LIPJ: variants seen among roughly 807,000 people sequenced by gnomAD.
LIPJ encodes the protein lipase member J.
LIPJ carries 33 observed loss-of-function variants against 39.8 expected under a neutral mutation model. That is an observed-to-expected ratio of 0.83 (90% CI 0.63 to 1.11). The LOEUF is 1.11. Among genes scored for constraint, LIPJ ranks in the 50% least tolerant of loss-of-function variants. The pLI is 0.00. For synonymous variants in LIPJ, 128 were observed against 139.2 expected, an observed-to-expected ratio of 0.92 and a Z score of 0.57; for missense variants, 422 against 427.9, an observed-to-expected ratio of 0.99 and a Z score of 0.12.
exon 5 of LIPJ, chr10:88,594,028 G>C: frequency 6.2e-7 from 1 of 1,612,326 alleles, no homozygotes; most frequent in Non-Finnish European, 8.5e-7. Flanking sequence ...ACAATAGTCT[G>C]GGCTTCATTC....
chr10:88,620,773 T>C, the LIPJ span, among the ~76,000 whole-genome samples: 2 of 152,204 alleles, frequency 1.3e-5, no homozygotes, highest in Admixed American at 6.5e-5. Flanking sequence ...TTATCCTATA[T>C]CTTAGTCGGC....
the LIPJ span, among the ~76,000 whole-genome samples, chr10:88,617,763 GAT>G: frequency 6.6e-6 from 1 of 152,184 alleles, no homozygotes; most frequent in South Asian, 2.1e-4. Flanking sequence ...CTCCTCTAAA[GAT>G]AGTGTCAGAA....
the LIPJ span, among the ~76,000 whole-genome samples, chr10:88,613,794 A>G: frequency 2.3e-3 from 115 of 49,570 alleles, 1 homozygote; most frequent in East Asian, 0.014. Context: ...ATATATATAT[A>G]TATATATGTG....
At chr10:88,616,415 CCA>C in the LIPJ span, among the ~76,000 whole-genome samples, 4 of 152,200 alleles carry the variant, frequency 2.6e-5, no homozygotes, top group Non-Finnish European at 5.9e-5. Context: ...TGAGCTCAGA[CCA>C]TTAGGAAGCA....
chr10:88,605,751 A>G, intron 10 of LIPJ, 47 bp downstream of exon 10: 1 of 1,232,714 alleles, frequency 8.1e-7, no homozygotes, highest in Non-Finnish European at 1.2e-6. Flanking sequence ...ACTTTTTCAG[A>G]TAACTTTGCT....
chr10:88,595,135 T>C (rs1036923952), intron 6 of LIPJ, among the ~76,000 whole-genome samples: 1 of 151,834 alleles, frequency 6.6e-6, no homozygotes, highest in Non-Finnish European at 1.5e-5. Flanking sequence ...TAGGATATTA[T>C]GAGTGGAAAA....
intron 2 of LIPJ, among the ~76,000 whole-genome samples, chr10:88,589,048 G>A (rs1022043716): frequency 6.6e-6 from 1 of 151,798 alleles, no homozygotes; most frequent in African/African-American, 2.4e-5. Flanking sequence ...GCCTGGAACA[G>A]TCCAGATTAT....
chr10:88,616,144 T>C, the LIPJ span, among the ~76,000 whole-genome samples: 1 of 152,222 alleles, frequency 6.6e-6, no homozygotes, highest in African/African-American at 2.4e-5. Context: ...ATGACAGTGA[T>C]TAAACAGCTA....
chr10:88,619,546 C>A, the LIPJ span, among the ~76,000 whole-genome samples: 1 of 151,548 alleles, frequency 6.6e-6, no homozygotes, highest in Non-Finnish European at 1.5e-5. Flanking sequence ...TGGCCTACAG[C>A]AGGAACAGAG....
At chr10:88,604,830 T>G (rs1383826985) in intron 9 of LIPJ, among the ~76,000 whole-genome samples, 1 of 152,100 alleles carries the variant, frequency 6.6e-6, no homozygotes, top group Non-Finnish European at 1.5e-5. Context: ...ATAAATGACA[T>G]GTAAAGCCAA....
the LIPJ span, among the ~76,000 whole-genome samples, chr10:88,612,246 A>G: frequency 1.2e-4 from 19 of 152,318 alleles, no homozygotes; most frequent in African/African-American, 4.3e-4. Context: ...CCAGCACTAC[A>G]AGAACTGCTA....
intron 2 of LIPJ, among the ~76,000 whole-genome samples, chr10:88,587,951 T>A (rs1201981220): frequency 2.6e-5 from 4 of 152,016 alleles, no homozygotes; most frequent in African/African-American, 9.7e-5. Flanking sequence ...ATTAGAAAAA[T>A]TATTGATGAG....
At chr10:88,597,968 T>C (rs1177035495) in intron 8 of LIPJ, among the ~76,000 whole-genome samples, 1 of 152,004 alleles carries the variant, frequency 6.6e-6, no homozygotes, top group Non-Finnish European at 1.5e-5. Context: ...CTCTTTTTTG[T>C]GTATAAATTA....
chr10:88,602,041 G>C (rs1407172649), intron 8 of LIPJ, among the ~76,000 whole-genome samples: 2 of 152,040 alleles, frequency 1.3e-5, no homozygotes, highest in East Asian at 3.9e-4. Flanking sequence ...TAGAATTTGA[G>C]GCCCTTATGG....
Position 88,596,429 on chromosome 10 carries a change from T to G in LIPJ, c.576+13T>G. On this transcript the variant is annotated intron_variant, in intron 7 of 10. Coordinates refer to ENST00000371939, the Ensembl canonical transcript of LIPJ. ...GTCAATAGTCATGGTATGTTCTACCTTTATTTTATGTCATTGATAACCCAA... is the reference window on the plus strand; with the variant it reads ...GTCAATAGTCATGGTATGTTCTACCGTTATTTTATGTCATTGATAACCCAA... 6.7e-7 allele frequency: 1 copy of G among 1,485,932 alleles called. No individual in the cohort carries two copies. 92.0% of individuals were successfully genotyped at this position (1,485,932 alleles called of 1,614,324 possible).
chr10:88,593,607 C>T (rs1404965480), intron 4 of LIPJ: 1 of 165,950 alleles, frequency 6.0e-6, no homozygotes, highest in Non-Finnish European at 1.3e-5. Flanking sequence ...GTCAACTTTG[C>T]TATGTAATTG....
chr10:88,613,434 C>T, the LIPJ span, among the ~76,000 whole-genome samples: 22 of 150,468 alleles, frequency 1.5e-4, no homozygotes, highest in African/African-American at 5.1e-4. Context: ...GATGGGGAGG[C>T]GGGGAATGAA....
intron 4 of LIPJ, chr10:88,593,306 C>G (rs1427329705): frequency 6.6e-6 from 1 of 151,756 alleles, no homozygotes; most frequent in Non-Finnish European, 1.5e-5. Flanking sequence ...ATTGTGAGAA[C>G]AGATCCCTAA....
intron 2 of LIPJ, among the ~76,000 whole-genome samples, chr10:88,588,794 T>C (rs760037409): frequency 5.3e-5 from 8 of 151,952 alleles, no homozygotes; most frequent in Non-Finnish European, 8.8e-5. Context: ...ACTGGCCACA[T>C]TTCAAGTGCT....
Sources: gnomAD v4.1 joint callset for allele counts (sites outside exome capture counted in the v4.1 genomes callset) on GRCh38, gnomAD v4.1.1 for gene constraint, MANE v1.5 for transcripts, NCBI Gene and HGNC (gene_info 2026-07-23, HGNC 2026-07-21) for gene names.